Variants in USP32 observed in about 807,000 individuals in gnomAD.
The protein encoded by USP32 is ubiquitin carboxyl-terminal hydrolase 32.
A neutral mutation model predicts 204.8 loss-of-function variants in USP32; 59 were observed. The observed-to-expected ratio is 0.29, with a 90% CI of 0.23 to 0.36. USP32 has a LOEUF of 0.36. USP32 is among the 10% of genes least tolerant of loss of function. The pLI, the probability that USP32 is intolerant of heterozygous loss-of-function variation, is 1.00. For missense variants in USP32, 1,160 were observed against 1,946.4 expected (o/e 0.60, Z 7.60); for synonymous variants, 517 against 678.4 (o/e 0.76, Z 3.70).
chr17:60,255,291 T>C, intron 9 of USP32, 33 bp from the exon 10 acceptor site: 1 of 1,510,124 alleles, frequency 6.6e-7, no homozygotes, highest in East Asian at 2.3e-5. Context: ...AGGAACATCT[T>C]TTTTTTCTTT....
chr17:60,220,259 T>C (rs1401857503), intron 15 of USP32, among the ~76,000 whole-genome samples: 1 of 152,118 alleles, frequency 6.6e-6, no homozygotes, highest in Non-Finnish European at 1.5e-5. Context: ...TTGCCAGTAA[T>C]GTGTAAGTAT....
Position 60,215,486 on chromosome 17 carries a change from TA to T in USP32, c.1868-713del, listed in dbSNP as rs869230888. Among the ~76,000 whole-genome samples the T allele has an allele frequency of 1.4e-3, 201 of 140,110 alleles. 1 individual carries two copies. The highest frequency in any genetic ancestry group is 5.2e-3 in the East Asian group (25 of 4,846). 91.9% of individuals were successfully genotyped at this position (140,110 alleles called of 152,430 possible). On this transcript the variant is annotated intron_variant, in intron 16 of 33. Transcript: ENST00000300896. The stretch of plus-strand genomic sequence containing the variant: ...AGTGAAAAAAAAATTAGGACAGAGT[TA>T]AAAAAAAAAAAAACTCAGTGGAGGA...
chr17:60,370,210 A>C (rs1385663004), intron 1 of USP32, among the ~76,000 whole-genome samples: 1 of 152,070 alleles, frequency 6.6e-6, no homozygotes. Context: ...AATAAAAAGA[A>C]TTTTTTTAAA....
chr17:60,348,148 A>G (rs1598272906), intron 1 of USP32, among the ~76,000 whole-genome samples: 1 of 152,086 alleles, frequency 6.6e-6, no homozygotes, highest in African/African-American at 2.4e-5. Flanking sequence ...TAAGTCAGGA[A>G]AAAAGATGAT....
At chr17:60,297,076 A>G (rs984951498) in intron 3 of USP32, among the ~76,000 whole-genome samples, 3 of 152,198 alleles carry the variant, frequency 2.0e-5, no homozygotes, top group Non-Finnish European at 4.4e-5. Flanking sequence ...TATGCCAGGC[A>G]AGGCATTAAG....
At chr17:60,421,175 TG>T in intron 1 of USP32, 1 of 187,238 alleles carries the variant, frequency 5.3e-6, no homozygotes, top group Non-Finnish European at 1.0e-5. Flanking sequence ...CAAAATAATC[TG>T]GAATTAATGA....
At chr17:60,282,426 T>C (rs1391575731) in intron 5 of USP32, among the ~76,000 whole-genome samples, 1 of 152,202 alleles carries the variant, frequency 6.6e-6, no homozygotes, top group Non-Finnish European at 1.5e-5. Context: ...CAATCTCGGC[T>C]CACTGCAACC....
chr17:60,245,113 TA>T (rs775306775), intron 11 of USP32, among the ~76,000 whole-genome samples: 2 of 152,244 alleles, frequency 1.3e-5, no homozygotes, highest in Admixed American at 6.5e-5. Context: ...CATGGTTTTA[TA>T]ATTATTGTCA....
intron 1 of USP32, among the ~76,000 whole-genome samples, chr17:60,391,532 T>C (rs920107286): frequency 6.6e-6 from 1 of 151,956 alleles, no homozygotes; most frequent in South Asian, 2.1e-4. Context: ...TAGGAGAAAA[T>C]GGCAATGAAG....
intron 16 of USP32, among the ~76,000 whole-genome samples, chr17:60,217,165 T>C (rs1039910933): frequency 1.3e-5 from 2 of 152,222 alleles, no homozygotes; most frequent in South Asian, 2.1e-4. Context: ...TATACATACT[T>C]TTGTGCTTTT....
intron 11 of USP32, among the ~76,000 whole-genome samples, chr17:60,238,638 A>G (rs1032249055): frequency 4.6e-5 from 7 of 152,034 alleles, no homozygotes; most frequent in Admixed American, 4.6e-4. Context: ...CCCCGTCTCT[A>G]CTAAAAATAC....
upstream of USP32, among the ~76,000 whole-genome samples, chr17:60,394,317 C>A (rs2089884839): frequency 6.6e-6 from 1 of 152,130 alleles, no homozygotes; most frequent in South Asian, 2.1e-4. Flanking sequence ...CTCAAGAGTT[C>A]AATTGCAACA....
intron 1 of USP32, among the ~76,000 whole-genome samples, chr17:60,360,502 T>C (rs769321824): frequency 2.0e-5 from 3 of 151,298 alleles, no homozygotes; most frequent in Non-Finnish European, 2.9e-5. Context: ...CTACTAAAAA[T>C]ACAAAAGTTA....
At chr17:60,337,073 A>G (rs895492844) in intron 2 of USP32, among the ~76,000 whole-genome samples, 9 of 152,260 alleles carry the variant, frequency 5.9e-5, no homozygotes, top group African/African-American at 1.9e-4. Context: ...TCCAACATAA[A>G]GGGATTTAAT....
At chr17:60,250,243 T>C (rs192142891) in intron 11 of USP32, among the ~76,000 whole-genome samples, 63 of 152,320 alleles carry the variant, frequency 4.1e-4, no homozygotes, top group African/African-American at 1.5e-3. Flanking sequence ...GCAGTTATTC[T>C]AAGGACCAGA....
chr17:60,260,508 A>G (rs1452606775), intron 9 of USP32, among the ~76,000 whole-genome samples: 2 of 148,220 alleles, frequency 1.3e-5, no homozygotes, highest in Non-Finnish European at 2.9e-5. Flanking sequence ...GGGTGACAAG[A>G]GCAAGACTTT....
chr17:60,319,737 G>A (rs761636088), intron 2 of USP32, among the ~76,000 whole-genome samples: 5 of 152,030 alleles, frequency 3.3e-5, no homozygotes, highest in African/African-American at 9.7e-5. Flanking sequence ...CCAAGATAGC[G>A]CCACTGCACT....
At chr17:60,187,461 T>C (rs1598032410) in intron 29 of USP32, among the ~76,000 whole-genome samples, 1 of 152,352 alleles carries the variant, frequency 6.6e-6, no homozygotes, top group East Asian at 1.9e-4. Context: ...ACTGATGTGC[T>C]TCAAAAGGAA....
intron 19 of USP32, among the ~76,000 whole-genome samples, chr17:60,211,813 T>C (rs554889423): frequency 4.6e-5 from 7 of 151,958 alleles, no homozygotes; most frequent in Non-Finnish European, 7.4e-5. Context: ...ATATAAATTA[T>C]TTAATTGCAG....
Sources: gnomAD v4.1 joint callset for allele counts (sites outside exome capture counted in the v4.1 genomes callset) on GRCh38, gnomAD v4.1.1 for gene constraint, MANE v1.5 for transcripts, NCBI Gene and HGNC (gene_info 2026-07-23, HGNC 2026-07-21) for gene names.